The following GRM7 variants were observed in gnomAD, a reference collection of about 807,000 sequenced individuals.
GRM7 encodes the protein metabotropic glutamate receptor 7.
In GRM7, 35 loss-of-function variants were observed where a neutral mutation model predicts 84.5. The observed-to-expected ratio is 0.41, with a 90% CI of 0.32 to 0.55. GRM7 has a LOEUF of 0.55. GRM7 is among the 20% of genes least tolerant of loss of function. The probability of loss-of-function intolerance (pLI) is 0.19; values close to 1 mark genes in which losing one functional copy is unlikely to be tolerated. For synonymous variants in GRM7, 487 were observed against 455.1 expected, an observed-to-expected ratio of 1.07 and a Z score of -0.89; for missense variants, 1,003 against 1,194.6, an observed-to-expected ratio of 0.84 and a Z score of 2.36.
chr3:6,980,387 A>G (rs1694155629), intron 1 of GRM7, among the ~76,000 whole-genome samples: 1 of 152,126 alleles, frequency 6.6e-6, no homozygotes, highest in Non-Finnish European at 1.5e-5. Flanking sequence ...GTGGTAATGG[A>G]GCCATGGGTG....
chr3:7,462,261 C>T (rs1698278878), intron 7 of GRM7, among the ~76,000 whole-genome samples: 1 of 152,126 alleles, frequency 6.6e-6, no homozygotes, highest in African/African-American at 2.4e-5. Context: ...ATCCATCAGC[C>T]AATGTCCCAG....
intron 2 of GRM7, among the ~76,000 whole-genome samples, chr3:7,155,946 C>T (rs1694435189): frequency 6.6e-6 from 1 of 152,170 alleles, no homozygotes; most frequent in African/African-American, 2.4e-5. Context: ...AAAGCAAGCA[C>T]TTAAACCACA....
chr3:7,302,405 C>T (rs1446964905), intron 3 of GRM7, among the ~76,000 whole-genome samples: 1 of 152,042 alleles, frequency 6.6e-6, no homozygotes, highest in Admixed American at 6.6e-5. Context: ...ATTCTTATAA[C>T]CTCCAAATTT....
intron 2 of GRM7, among the ~76,000 whole-genome samples, chr3:7,262,209 T>C (rs745861289): frequency 2.3e-4 from 35 of 152,046 alleles, no homozygotes; most frequent in Admixed American, 3.3e-4. Context: ...TCCTGAAATA[T>C]ATTTTCCAAG....
chr3:7,410,656 C>CCACACA (rs370683194), intron 4 of GRM7, among the ~76,000 whole-genome samples: 7 of 142,624 alleles, frequency 4.9e-5, no homozygotes, highest in African/African-American at 1.0e-4. Context: ...ACCACCACCA[C>CCACACA]CACACACACA....
chr3:7,240,122 T>TTTTTTTTG (rs1697497770), intron 2 of GRM7, among the ~76,000 whole-genome samples: 1 of 130,438 alleles, frequency 7.7e-6, no homozygotes. Flanking sequence ...CATGTGAGGT[T>TTTTTTTTG]TTTTTTTTTT....
chr3:7,477,563 AAG>A (rs1698971941), intron 7 of GRM7, among the ~76,000 whole-genome samples: 1 of 152,198 alleles, frequency 6.6e-6, no homozygotes, highest in Non-Finnish European at 1.5e-5. Context: ...TGACTTCTTC[AAG>A]AGTGAAGGCT....
At chr3:7,465,234 G>A (rs1050404258) in intron 7 of GRM7, among the ~76,000 whole-genome samples, 2 of 152,132 alleles carry the variant, frequency 1.3e-5, no homozygotes, top group African/African-American at 4.8e-5. Flanking sequence ...GGTGGATGCA[G>A]TAGTTTATAC....
chr3:7,135,467 A>T (rs1693741724), intron 1 of GRM7, among the ~76,000 whole-genome samples: 1 of 152,218 alleles, frequency 6.6e-6, no homozygotes, highest in Non-Finnish European at 1.5e-5. Flanking sequence ...TTCGCCTTTT[A>T]CAAGTTTTGT....
rs973889468 is a variant in GRM7 at position 7,391,598 on chromosome 3, T to C, written c.1034-23425T>C. Among the ~76,000 whole-genome samples, 7 of 151,970 alleles carry C rather than the reference T, an allele frequency of 4.6e-5. No individual in the cohort carries two copies. The East Asian group carries it at 1.2e-3, about 25-fold the overall frequency. ...TGGGGAGGGATAACATTAGGAGATA[T>C]ACCTAATGTAAATGATGAGTTAACA... On this transcript the variant is annotated intron_variant, in intron 4 of 9. Transcript: ENST00000357716.
intron 1 of GRM7, among the ~76,000 whole-genome samples, chr3:6,910,660 A>C (rs1266520365): frequency 6.6e-6 from 1 of 152,160 alleles, no homozygotes; most frequent in Non-Finnish European, 1.5e-5. Flanking sequence ...CTGAGGCAAG[A>C]GAATTGCTTG....
intron 7 of GRM7, among the ~76,000 whole-genome samples, chr3:7,465,735 A>G (rs1000542478): frequency 3.3e-5 from 5 of 152,066 alleles, no homozygotes. Flanking sequence ...ATCTCAAGCA[A>G]ATGAAATTTT....
intron 7 of GRM7, among the ~76,000 whole-genome samples, chr3:7,492,899 A>G (rs2124952940): frequency 6.6e-6 from 1 of 152,084 alleles, no homozygotes; most frequent in Non-Finnish European, 1.5e-5. Flanking sequence ...ATTCACTTCC[A>G]TGATATTTTT....
At chr3:6,908,888 G>A (rs1575001185) in intron 1 of GRM7, among the ~76,000 whole-genome samples, 1 of 152,210 alleles carries the variant, frequency 6.6e-6, no homozygotes, top group Non-Finnish European at 1.5e-5. Flanking sequence ...GGGAGTTAGA[G>A]ATGGATTTCT....
chr3:7,678,524 C>T lies in GRM7; in HGVS notation c.2452-1525C>T, dbSNP rs76107912. Among the ~76,000 whole-genome samples, 766 of 152,152 alleles carry T rather than the reference C, an allele frequency of 5.0e-3. 16 individuals carry two copies. In the East Asian group the frequency reaches 0.089, roughly 18 times the overall value. On this transcript the variant is annotated intron_variant, in intron 8 of 9. Coordinates refer to ENST00000357716, the MANE Select transcript of GRM7 (RefSeq NM_000844.4). Reference sequence around the variant, plus strand: ...GCCTTTCTTGAACAGTGTAGGCTGGCAAGGTGGAATGACATTAAAAGTCTA... The same window carrying T: ...GCCTTTCTTGAACAGTGTAGGCTGGTAAGGTGGAATGACATTAAAAGTCTA...
chr3:7,273,940 T>C (rs2124982606), intron 2 of GRM7, among the ~76,000 whole-genome samples: 1 of 152,194 alleles, frequency 6.6e-6, no homozygotes, highest in East Asian at 1.9e-4. Flanking sequence ...TTTTTATTCC[T>C]ATTTTTATCT....
At chr3:7,679,080 T>A (rs2125139375) in intron 8 of GRM7, among the ~76,000 whole-genome samples, 1 of 152,150 alleles carries the variant, frequency 6.6e-6, no homozygotes, top group South Asian at 2.1e-4. Flanking sequence ...TCTAAAGAAG[T>A]CCTTTGAGAG....
At chr3:7,678,513 G>A (rs947875591) in intron 8 of GRM7, among the ~76,000 whole-genome samples, 56 of 152,166 alleles carry the variant, frequency 3.7e-4, no homozygotes, top group Middle Eastern at 3.2e-3. Context: ...TTCTTGAACA[G>A]TGTAGGCTGG....
chr3:7,550,573 CTCTCTGTGTGTGTGTGTGTG>C (rs1462184142), intron 7 of GRM7, among the ~76,000 whole-genome samples: 1 of 60,632 alleles, frequency 1.6e-5, no homozygotes, highest in Non-Finnish European at 3.6e-5. Flanking sequence ...CTCTCTCTCT[CTCTCTGTGTGTGTGTGTGTG>C]TGTGTGTGTG....
Sources: allele counts gnomAD v4.1 joint callset (sites outside exome capture counted in the v4.1 genomes callset), GRCh38; gene constraint gnomAD v4.1.1; transcripts MANE v1.5; gene names NCBI Gene and HGNC (gene_info 2026-07-23, HGNC 2026-07-21).